Variants in APOL6 observed in about 807,000 individuals in gnomAD.
The protein encoded by APOL6 is apolipoprotein L6.
In APOL6, 1 loss-of-function variant was observed where a neutral mutation model predicts 2.4. The observed-to-expected ratio is 0.41, with a 90% confidence interval of 0.15 to 1.94. The LOEUF (loss-of-function observed/expected upper bound fraction) is 1.94, where lower values mean the gene tolerates loss of function less well. APOL6 is among the 30% of genes most tolerant of loss of function. The pLI is 0.30. For synonymous variants in APOL6, 189 were observed against 169.3 expected (o/e 1.12, Z -0.90); for missense variants, 438 against 429.2 (o/e 1.02, Z -0.18).
intron 2 of APOL6, among the ~76,000 whole-genome samples, chr22:35,658,235 G>A (rs533124573): frequency 4.6e-5 from 7 of 152,042 alleles, no homozygotes; most frequent in East Asian, 1.9e-4. Flanking sequence ...GAACTCTCCC[G>A]CCATTGTTCC....
In APOL6 at chr22:35,662,801, C is replaced by T. The variant is rs548648058; in HGVS notation, c.*3205C>T. 6.6e-5 allele frequency: 10 copies of T among 152,280 alleles called. No homozygotes were observed. In the East Asian group the frequency reaches 1.5e-3, roughly 24 times the overall value. 9.4% of individuals were successfully genotyped at this position (152,280 alleles called of 1,614,324 possible). On this transcript the variant is annotated 3_prime_UTR_variant, in exon 3 of 3. Coordinates refer to ENST00000409652, the MANE Select transcript of APOL6 (RefSeq NM_030641.4). ...TGCCCCTGACCCTTGACAAATCTAT[C>T]GGTGCTTGGTACCAGCATGAGCTAA...
chr22:35,663,763 T>C lies in APOL6; in HGVS notation c.*4167T>C, dbSNP rs561783352. 3 of 152,168 alleles carry C rather than the reference T, an allele frequency of 2.0e-5. No homozygotes were observed. The highest frequency in any genetic ancestry group is 4.4e-5 in the Non-Finnish European group (3 of 68,034). 9.4% of individuals were successfully genotyped at this position (152,168 alleles called of 1,614,324 possible). A position where few individuals can be genotyped will look rare whatever the true frequency, so the allele number is the denominator to read the frequency against. On this transcript the variant is annotated 3_prime_UTR_variant, in exon 3 of 3. Transcript: ENST00000409652. ...TTCACCTGGGTTGTTTCCTTTAATG[T>C]GCAAAAATTTAAGGCTATTTAGCTG...
chr22:35,655,415 A>G (rs1047621397), intron 1 of APOL6, among the ~76,000 whole-genome samples: 4 of 152,172 alleles, frequency 2.6e-5, no homozygotes, highest in African/African-American at 7.2e-5. Flanking sequence ...CCGAGAAGAA[A>G]CCTCGATTCT....
intron 1 of APOL6, among the ~76,000 whole-genome samples, chr22:35,650,775 C>CA (rs1332397313): frequency 4.0e-5 from 6 of 151,886 alleles, no homozygotes; most frequent in African/African-American, 1.5e-4. Context: ...ACTAAAAATA[C>CA]AAAAATTAGC....
chr22:35,663,260 C>A lies in APOL6; in HGVS notation c.*3664C>A, dbSNP rs1403776592. ...GGCTTTATTTACATAACACAGCCAGCTTTTTGCTAGCCAGACCAAACTCAA... is the reference window on the plus strand; with the variant it reads ...GGCTTTATTTACATAACACAGCCAGATTTTTGCTAGCCAGACCAAACTCAA... On this transcript the variant is annotated 3_prime_UTR_variant, in exon 3 of 3. Coordinates refer to ENST00000409652, the MANE Select transcript of APOL6 (RefSeq NM_030641.4). 6.6e-6 allele frequency: 1 copy of A among 152,100 alleles called. No individual in the cohort carries two copies. Among genetic ancestry groups the A allele is most frequent in the Non-Finnish European group, 1.5e-5 (1 of 68,022 alleles). The allele number at this position is 152,100 out of a possible 1,614,324, so 9.4% of individuals were successfully genotyped here.
At chr22:35,654,928 C>CA (rs1163557844) in intron 1 of APOL6, among the ~76,000 whole-genome samples, 1 of 152,076 alleles carries the variant, frequency 6.6e-6, no homozygotes, top group African/African-American at 2.4e-5. Flanking sequence ...AAAGGTTAAC[C>CA]ACTGAGAACT....
rs766228407 is a variant in APOL6 at position 35,658,632 on chromosome 22, C to T, written c.68C>T (p.Pro23Leu). The change falls in exon 3 of 3, where the codon CCT becomes CTT. Residue 23 changes from proline to leucine, a missense_variant. Physicochemically the swap from Pro to Leu is moderately conservative, Grantham distance 98. Coordinates refer to ENST00000409652, the MANE Select transcript of APOL6 (RefSeq NM_030641.4). ...CTCCTCAGGGATGAGGATGACGCTCCTCTGTGTGAAGACGTGGAGCTACAA... is the reference window on the plus strand; with the variant it reads ...CTCCTCAGGGATGAGGATGACGCTCTTCTGTGTGAAGACGTGGAGCTACAA... ...VGLQRDEDDA[P>L]LCEDVELQDG... 21 of 1,611,714 alleles carry T rather than the reference C, an allele frequency of 1.3e-5. No homozygotes were observed. The highest frequency in any genetic ancestry group is 1.8e-5 in the Non-Finnish European group (21 of 1,178,650).
rs1193106296 is a variant in APOL6 at position 35,662,175 on chromosome 22, G to A, written c.*2579G>A. 2 of 152,114 alleles carry A rather than the reference G, an allele frequency of 1.3e-5. No individual in the cohort carries two copies. Among genetic ancestry groups the A allele is most frequent in the African/African-American group, 4.8e-5 (2 of 41,422 alleles). 9.4% of individuals were successfully genotyped at this position (152,114 alleles called of 1,614,324 possible). A position where few individuals can be genotyped will look rare whatever the true frequency, so the allele number is the denominator to read the frequency against. ...CCCTCCCTGTGCTTTGGAAGGGAAG[G>A]GAGGTGGGCAGCAGTGGGTCAGAGA... On this transcript the variant is annotated 3_prime_UTR_variant, in exon 3 of 3. Coordinates refer to ENST00000409652, the MANE Select transcript of APOL6 (RefSeq NM_030641.4).
At position 35,660,524 on chromosome 22, in the gene APOL6, C is replaced by G. The variant is rs927735694; in HGVS notation, c.*928C>G. On this transcript the variant is annotated 3_prime_UTR_variant, in exon 3 of 3. Transcript: ENST00000409652. ...AGCAACCAAAGATGACTAAGCCAGA[C>G]AGGTTATGTCACTCGCCAAGTGTCT... The G allele has an allele frequency of 2.6e-5, 4 of 152,264 alleles. No homozygotes were observed. The East Asian group carries it at 7.7e-4, about 29-fold the overall frequency. The allele number at this position is 152,264 out of a possible 1,614,324, so 9.4% of individuals were successfully genotyped here.
Position 35,649,987 on chromosome 22 carries a change from C to T in APOL6, c.-48+1364C>T, listed in dbSNP as rs541815046. 4.6e-5 allele frequency among the ~76,000 whole-genome samples: 7 copies of T among 152,298 alleles called. No homozygotes were observed. In the East Asian group the frequency reaches 5.8e-4, roughly 13 times the overall value. On this transcript the variant is annotated intron_variant, in intron 1 of 2. Coordinates refer to ENST00000409652, the MANE Select transcript of APOL6 (RefSeq NM_030641.4). ...TAGCAGTGTCCCTGAGGAGCAAACA[C>T]GCCCTGTTTGGGACCAACTACTCCA...
chr22:35,655,149 C>A (rs1924812038), intron 1 of APOL6, among the ~76,000 whole-genome samples: 1 of 152,132 alleles, frequency 6.6e-6, no homozygotes, highest in Admixed American at 6.6e-5. Context: ...GAGTTCCAAG[C>A]CACTCCTTTG....
At position 35,659,792 on chromosome 22, in the gene APOL6, C is replaced by CCCTGTCTCAA; in HGVS notation, c.*196_*197insCCTGTCTCAA. On this transcript the variant is annotated 3_prime_UTR_variant, in exon 3 of 3. Coordinates refer to ENST00000409652, the MANE Select transcript of APOL6 (RefSeq NM_030641.4). ...GTTTGTTTGTTTGTTTGTTTTGAGA[C>CCCTGTCTCAA]AGGGTCTCTGTTGCCCAGGCTGGAG... The CCCTGTCTCAA allele has an allele frequency of 1.1e-6, 1 of 942,606 alleles. No homozygotes were observed. The highest frequency in any genetic ancestry group is 1.5e-6 in the Non-Finnish European group (1 of 663,486). The allele number at this position is 942,606 out of a possible 1,614,324, so 58.4% of individuals were successfully genotyped here.
chr22:35,656,419 G>C lies in APOL6; in HGVS notation c.-7G>C, dbSNP rs759851636. Reference sequence around the variant, plus strand: ...CTGGGGACACAGATTTGCTGCCACAGAGGCTGATGGACAACCAGGCGGAGA... The same window carrying C: ...CTGGGGACACAGATTTGCTGCCACACAGGCTGATGGACAACCAGGCGGAGA... On this transcript the variant is annotated 5_prime_UTR_variant, in exon 2 of 3. Transcript: ENST00000409652. The C allele has an allele frequency of 7.4e-6, 12 of 1,614,094 alleles. No individual in the cohort carries two copies. The highest frequency in any genetic ancestry group is 1.7e-5 in the Admixed American group (1 of 60,026).
chr22:35,659,842 T>G lies in APOL6; in HGVS notation c.*246T>G. 1.9e-6 allele frequency: 1 copy of G among 530,846 alleles called. No homozygotes were observed. Among genetic ancestry groups the G allele is most frequent in the Non-Finnish European group, 3.2e-6 (1 of 313,116 alleles). The allele number at this position is 530,846 out of a possible 1,614,324, so 32.9% of individuals were successfully genotyped here. On this transcript the variant is annotated 3_prime_UTR_variant, in exon 3 of 3. Coordinates refer to ENST00000409652, the MANE Select transcript of APOL6 (RefSeq NM_030641.4). ...GTGCAGTGGCGTAATCTCGGCTCAC[T>G]GCAACCTCTGCCTCCTGAGTGCAAG...
intron 1 of APOL6, among the ~76,000 whole-genome samples, chr22:35,652,400 A>T (rs960282940): frequency 9.2e-5 from 14 of 152,158 alleles, no homozygotes; most frequent in African/African-American, 3.4e-4. Flanking sequence ...TCTTTAGTTT[A>T]ATGAGATCCC....
At chr22:35,655,592 A>G (rs1329464875) in intron 1 of APOL6, among the ~76,000 whole-genome samples, 1 of 152,126 alleles carries the variant, frequency 6.6e-6, no homozygotes, top group East Asian at 1.9e-4. Flanking sequence ...TATATAAAAA[A>G]ACTATAATTT....
At position 35,659,254 on chromosome 22, in the gene APOL6, CA is replaced by C. The variant is rs1924945476; in HGVS notation, c.695del (p.Asn232MetfsTer8). ...AFAGTTLAMT[K>X]NARVLGGVMS... Reference sequence around the variant, plus strand: ...TTGCGGGAACAACACTGGCGATGACCAAAAATGCTCGCGTGCTGGGAGGTGT... The same window carrying C: ...TTGCGGGAACAACACTGGCGATGACCAAAATGCTCGCGTGCTGGGAGGTGT... On this transcript the variant is annotated frameshift_variant, in exon 3 of 3. Coordinates refer to ENST00000409652, the MANE Select transcript of APOL6 (RefSeq NM_030641.4). LOFTEE classifies it low-confidence loss of function (END_TRUNC). 1 of 1,614,054 alleles carries C rather than the reference CA, an allele frequency of 6.2e-7. No homozygotes were observed. Among genetic ancestry groups the C allele is most frequent in the Non-Finnish European group, 8.5e-7 (1 of 1,180,024 alleles).
rs1458167054 is a variant in APOL6, at chr22:35,665,741, G to A, written c.*6145G>A. The A allele has an allele frequency of 2.0e-5, 3 of 152,194 alleles. No individual in the cohort carries two copies. Among genetic ancestry groups the A allele is most frequent in the Admixed American group, 2.0e-4 (3 of 15,282 alleles). 9.4% of individuals were successfully genotyped at this position (152,194 alleles called of 1,614,324 possible). ...TAGGGCTTCTTGTTTAGAAAGTTAA[G>A]TCACCTCTCTCAAAGAATGAAGGTT... On this transcript the variant is annotated 3_prime_UTR_variant, in exon 3 of 3. Transcript: ENST00000409652.
chr22:35,657,345 C>T (rs57236964), intron 2 of APOL6, among the ~76,000 whole-genome samples: 11,896 of 152,194 alleles, frequency 0.078, 969 homozygotes, highest in African/African-American at 0.21. Flanking sequence ...CTGATTTACA[C>T]CTGTGGATTA....
Sources: allele counts gnomAD v4.1 joint callset (sites outside exome capture counted in the v4.1 genomes callset), GRCh38; gene constraint gnomAD v4.1.1; transcripts MANE v1.5; gene names NCBI Gene and HGNC (gene_info 2026-07-23, HGNC 2026-07-21).